Variants in TMX2 observed in about 807,000 individuals in gnomAD.
TMX2 encodes the protein thioredoxin related transmembrane protein 2.
In TMX2, 20 loss-of-function variants were observed where a neutral mutation model predicts 33.4. The ratio of observed to expected loss-of-function variants is 0.60; its 90% CI spans 0.42 to 0.87. The LOEUF is 0.87. Ranked by LOEUF, TMX2 falls within the 40% of genes least tolerant of loss-of-function variation. The pLI is 0.00. For synonymous variants in TMX2, 166 were observed against 140.7 expected (o/e 1.18, Z -1.27); for missense variants, 340 against 370.7 (o/e 0.92, Z 0.68).
Position 57,740,289 on chromosome 11 carries a change from T to G in TMX2, c.*44T>G. 1 of 1,536,724 alleles carries G rather than the reference T, an allele frequency of 6.5e-7. No individual in the cohort carries two copies. Among genetic ancestry groups the G allele is most frequent in the African/African-American group, 1.4e-5 (1 of 71,834 alleles). On this transcript the variant is annotated 3_prime_UTR_variant, in exon 8 of 8. Transcript: ENST00000278422. ...GCTTCCTCTCCTGTCAATTCCAGGC[T>G]CTTTCCATAACCACAAGCCTGAGGC...
intron 1 of TMX2, among the ~76,000 whole-genome samples, chr11:57,714,719 G>C (rs951945393): frequency 6.6e-6 from 1 of 151,982 alleles, no homozygotes; most frequent in Non-Finnish European, 1.5e-5. Context: ...CAGCTTTCCA[G>C]GTAGCTGGAA....
chr11:57,738,603 G>A lies in TMX2; in HGVS notation c.442-61G>A, dbSNP rs1948892600. The A allele has an allele frequency of 2.7e-6, 4 of 1,469,092 alleles. No homozygotes were observed. The Admixed American group carries it at 6.7e-5, about 25-fold the overall frequency. The allele number at this position is 1,469,092 out of a possible 1,614,324, so 91.0% of individuals were successfully genotyped here. ...CCAGGATGAGGAATTAGATGCTAAA[G>A]TCTGAACCTTCCCAGGAGGCTATGT... On this transcript the variant is annotated intron_variant, in intron 4 of 7. Coordinates refer to ENST00000278422, the MANE Select transcript of TMX2 (RefSeq NM_015959.4).
chr11:57,720,436 TC>T (rs1168798724), intron 1 of TMX2, among the ~76,000 whole-genome samples: 2 of 152,242 alleles, frequency 1.3e-5, no homozygotes, highest in Non-Finnish European at 2.9e-5. Context: ...AGAGTCTTGC[TC>T]TATCGCCCAG....
At chr11:57,714,705 A>G (rs1590894094) in intron 1 of TMX2, among the ~76,000 whole-genome samples, 1 of 152,192 alleles carries the variant, frequency 6.6e-6, no homozygotes, top group Admixed American at 6.5e-5. Context: ...CCATCCTGCC[A>G]CCTCAGCTTT....
intron 1 of TMX2, among the ~76,000 whole-genome samples, chr11:57,735,840 C>T (rs1024107381): frequency 6.6e-6 from 1 of 152,208 alleles, no homozygotes; most frequent in East Asian, 1.9e-4. Flanking sequence ...GACACAGAAA[C>T]TATGCATTCT....
Position 57,712,661 on chromosome 11 carries a change from C to T in TMX2, c.43C>T (p.Pro15Ser). ...TCTAATTGCTCTCGTGTATTCGGTG[C>T]CGCGACTTTCACGATGGCTCGCCCA... ...APLIALVYSV[P>S]RLSRWLAQPY... Residue 15 changes from proline (P) to serine (S), a missense_variant, in exon 1 of 8, where the codon CCG becomes TCG. This residue lies in a region of TMX2 where 106 missense variants were observed against 82.7 expected (regional missense o/e 1.28). Transcript: ENST00000278422. 2 of 1,614,172 alleles carry T rather than the reference C, an allele frequency of 1.2e-6. No individual in the cohort carries two copies. The highest frequency in any genetic ancestry group is 2.2e-5 in the South Asian group (2 of 91,092).
chr11:57,720,123 T>C lies in TMX2; in HGVS notation c.189+7316T>C, dbSNP rs1253999584. On this transcript the variant is annotated intron_variant, in intron 1 of 7. Coordinates refer to ENST00000278422, the MANE Select transcript of TMX2 (RefSeq NM_015959.4). ...GGCCAACGTGGTGAAACCCCATCTC[T>C]ACTAAAAATACAAAAAAAAAAAAAA... 1.9e-4 allele frequency among the ~76,000 whole-genome samples: 16 copies of C among 85,454 alleles called. No individual in the cohort carries two copies. In the East Asian group the frequency reaches 7.6e-3, roughly 40 times the overall value. The allele number at this position is 85,454 out of a possible 152,430, so 56.1% of individuals were successfully genotyped here.
intron 1 of TMX2, among the ~76,000 whole-genome samples, chr11:57,729,012 A>G (rs567151598): frequency 3.9e-5 from 6 of 152,200 alleles, no homozygotes; most frequent in Admixed American, 3.3e-4. Flanking sequence ...GAGGGCAGAA[A>G]CGACTCAGTG....
chr11:57,736,986 A>G (rs1056150518), intron 1 of TMX2, among the ~76,000 whole-genome samples: 2 of 152,196 alleles, frequency 1.3e-5, no homozygotes, highest in African/African-American at 4.8e-5. Flanking sequence ...CCAGCGTCAC[A>G]TTGAGTTGAT....
Position 57,715,809 on chromosome 11 carries a change from A to C in TMX2, c.189+3002A>C, listed in dbSNP as rs1234545290. ...CTTAACGAGCATGCTGCCTTCAAGC[A>C]TCTGTTTAACAAAGCACATCTTGCA... On this transcript the variant is annotated intron_variant, in intron 1 of 7. Transcript: ENST00000278422. Among the ~76,000 whole-genome samples the C allele has an allele frequency of 6.6e-5, 10 of 151,442 alleles. No individual in the cohort carries two copies. The East Asian group carries it at 1.7e-3, about 26-fold the overall frequency.
intron 1 of TMX2, among the ~76,000 whole-genome samples, chr11:57,730,378 G>T (rs1360027765): frequency 1.6e-5 from 2 of 127,378 alleles, no homozygotes; most frequent in African/African-American, 3.0e-5. Flanking sequence ...AGTGAGCCGA[G>T]ATCACACCAT....
chr11:57,712,820 CGT>C lies in TMX2; in HGVS notation c.189+16_189+17del. On this transcript the variant is annotated intron_variant, in intron 1 of 7. Transcript: ENST00000278422. ...TGACTTTGACTGGGTGAGCCTCCCG[CGT>C]GTTAGTACCCCGCGACCTTGACTGT... is the stretch of plus-strand genomic sequence containing the variant. 6.2e-7 allele frequency: 1 copy of C among 1,613,708 alleles called. No homozygotes were observed. Among genetic ancestry groups the C allele is most frequent in the Non-Finnish European group, 8.5e-7 (1 of 1,179,868 alleles).
chr11:57,717,586 G>A lies in TMX2; in HGVS notation c.189+4779G>A, dbSNP rs543533885. On this transcript the variant is annotated intron_variant, in intron 1 of 7. Coordinates refer to ENST00000278422, the MANE Select transcript of TMX2 (RefSeq NM_015959.4). ...GGCGTGGTGGCGCTTGCCTGCAATCGCAGGCACTCGGTGGGCTGAGGCAGG... is the reference window on the plus strand; with the variant it reads ...GGCGTGGTGGCGCTTGCCTGCAATCACAGGCACTCGGTGGGCTGAGGCAGG... Among the ~76,000 whole-genome samples, 18 of 152,190 alleles carry A rather than the reference G, an allele frequency of 1.2e-4. No individual in the cohort carries two copies. In the South Asian group the frequency reaches 2.1e-3, roughly 18 times the overall value.
intron 1 of TMX2, among the ~76,000 whole-genome samples, chr11:57,732,941 A>G (rs1948491058): frequency 6.6e-6 from 1 of 152,140 alleles, no homozygotes; most frequent in Non-Finnish European, 1.5e-5. Context: ...ATGGCCTACT[A>G]CACACCTAGG....
In TMX2 at chr11:57,739,189, G is replaced by A. The variant is rs1948933040; in HGVS notation, c.673G>A (p.Gly225Ser). The stretch of plus-strand genomic sequence containing the variant: ...ACTCCCTACCCTGATCCTGTTCCAA[G>A]GTGGCAAGGAGGCAATGCGGCGGCC... ...KQLPTLILFQGGKEAMRRPQI... is the reference protein window; with the variant it reads ...KQLPTLILFQSGKEAMRRPQI... Residue 225 changes from glycine (G) to serine (S), a missense_variant, in exon 7 of 8, where the codon GGT (glycine) becomes AGT (serine). Gly to Ser is a moderately conservative substitution (Grantham distance 56). Transcript: ENST00000278422. 1.2e-6 allele frequency: 2 copies of A among 1,613,992 alleles called. No individual in the cohort carries two copies. The highest frequency in any genetic ancestry group is 2.7e-5 in the African/African-American group (2 of 74,890).
chr11:57,736,094 G>C (rs1456714451), intron 1 of TMX2, among the ~76,000 whole-genome samples: 1 of 152,158 alleles, frequency 6.6e-6, no homozygotes, highest in Admixed American at 6.5e-5. Context: ...TTATGGCCGA[G>C]AACTCAGTTT....
intron 1 of TMX2, chr11:57,718,308 T>G: frequency 1.3e-6 from 2 of 1,558,754 alleles, no homozygotes; most frequent in Non-Finnish European, 1.8e-6. Context: ...ATAGATGGAC[T>G]TGCCACCAGT....
chr11:57,739,754 G>GA lies in TMX2; in HGVS notation c.745-332dup, dbSNP rs778726557. ...CCTGGGCAACAAGAGACTCCATCAG[G>GA]AAAAAAAAAAAAAGATTCTGTCTCG... On this transcript the variant is annotated intron_variant, in intron 7 of 7. Coordinates refer to ENST00000278422, the MANE Select transcript of TMX2 (RefSeq NM_015959.4). Among the ~76,000 whole-genome samples the GA allele has an allele frequency of 6.0e-3, 855 of 141,928 alleles. 10 individuals are homozygous for GA. The highest frequency in any genetic ancestry group is 0.018 in the African/African-American group (708 of 39,118). The allele number at this position is 141,928 out of a possible 152,430, so 93.1% of individuals were successfully genotyped here.
rs191357372 is a variant in TMX2 at position 57,736,297 on chromosome 11, G to C, written c.190-1311G>C. Among the ~76,000 whole-genome samples the C allele has an allele frequency of 2.9e-3, 441 of 151,546 alleles. 1 individual carries two copies. Among genetic ancestry groups the C allele is most frequent in the Non-Finnish European group, 4.5e-3 (307 of 67,916 alleles). On this transcript the variant is annotated intron_variant, in intron 1 of 7. Transcript: ENST00000278422. ...GGCCACATTGGAAGAATTGTCTTGG[G>C]GCACACATAAAATACACTAACACCT...
Sources: allele counts gnomAD v4.1 joint callset (sites outside exome capture counted in the v4.1 genomes callset), GRCh38; gene constraint gnomAD v4.1.1; regional missense constraint gnomAD v4.1.1; transcripts MANE v1.5; gene names NCBI Gene and HGNC (gene_info 2026-07-23, HGNC 2026-07-21).